Variants in ZNF469 observed in about 807,000 individuals in gnomAD.
ZNF469 encodes zinc finger protein 469.
Under a neutral mutation model 1.0 loss-of-function variants are expected in ZNF469, and 1 was observed. The observed-to-expected ratio is 1.00, with a 90% CI of 0.35 to 4.73. ZNF469 has a LOEUF of 4.73. Among genes scored for constraint, ZNF469 ranks in the 30% most tolerant of loss-of-function variants. The pLI is 0.16. For synonymous variants in ZNF469, 2,703 were observed against 2,363.4 expected, an observed-to-expected ratio of 1.14 and a Z score of -4.17; for missense variants, 6,100 against 5,356.3, an observed-to-expected ratio of 1.14 and a Z score of -4.33.
the ZNF469 span, among the ~76,000 whole-genome samples, chr16:88,251,125 G>A: frequency 7.9e-5 from 12 of 152,254 alleles, no homozygotes; most frequent in African/African-American, 2.2e-4. Context: ...TGATCCACCC[G>A]CCTCAGCCTC....
the ZNF469 span, among the ~76,000 whole-genome samples, chr16:88,331,231 TCACCAC>T: frequency 1.2e-5 from 1 of 85,054 alleles, no homozygotes; most frequent in Non-Finnish European, 2.8e-5. Context: ...ACCACCACCA[TCACCAC>T]CATCACCATC....
At chr16:88,366,843 A>G in the ZNF469 span, among the ~76,000 whole-genome samples, 1 of 150,168 alleles carries the variant, frequency 6.7e-6, no homozygotes, top group East Asian at 2.0e-4. Context: ...CATCATCATT[A>G]CCATCACTAC....
At chr16:88,195,932 T>C in the ZNF469 span, among the ~76,000 whole-genome samples, 2 of 152,242 alleles carry the variant, frequency 1.3e-5, no homozygotes, top group South Asian at 4.1e-4. Context: ...GCCCAGACAC[T>C]TGCTCCCAAG....
At chr16:88,255,899 C>T in the ZNF469 span, among the ~76,000 whole-genome samples, 13 of 152,266 alleles carry the variant, frequency 8.5e-5, no homozygotes, top group East Asian at 5.8e-4. Flanking sequence ...TCTCTGGTTA[C>T]GGAAGGGTTT....
chr16:88,149,894 C>T, the ZNF469 span, among the ~76,000 whole-genome samples: 1 of 152,248 alleles, frequency 6.6e-6, no homozygotes, highest in African/African-American at 2.4e-5. Context: ...CATGCCCCTC[C>T]TCTCCAGGTG....
the ZNF469 span, among the ~76,000 whole-genome samples, chr16:88,227,578 C>A: frequency 6.7e-6 from 1 of 150,300 alleles, no homozygotes; most frequent in African/African-American, 2.5e-5. Flanking sequence ...GGCCTGGCCC[C>A]CCCCTTCTCC....
the ZNF469 span, among the ~76,000 whole-genome samples, chr16:88,160,820 C>G: frequency 6.6e-6 from 1 of 152,164 alleles, no homozygotes; most frequent in East Asian, 1.9e-4. Flanking sequence ...CGCCAGCAGG[C>G]AGGAACAGTG....
intron 1 of ZNF469, among the ~76,000 whole-genome samples, chr16:88,403,170 G>A (rs530507114): frequency 5.3e-5 from 8 of 152,302 alleles, no homozygotes; most frequent in East Asian, 1.9e-4. Flanking sequence ...GCCAGTGGCC[G>A]TGCTGGATGC....
At chr16:88,214,965 A>G in the ZNF469 span, among the ~76,000 whole-genome samples, 1 of 152,174 alleles carries the variant, frequency 6.6e-6, no homozygotes, top group African/African-American at 2.4e-5. Context: ...TCTGCAGAAA[A>G]TGTCCCTCTT....
the ZNF469 span, among the ~76,000 whole-genome samples, chr16:88,363,470 A>G: frequency 6.6e-6 from 1 of 152,218 alleles, no homozygotes; most frequent in African/African-American, 2.4e-5. Context: ...CCAATTATTT[A>G]GCCCCAGCCA....
the ZNF469 span, among the ~76,000 whole-genome samples, chr16:88,255,789 G>C: frequency 6.6e-6 from 1 of 152,202 alleles, no homozygotes; most frequent in African/African-American, 2.4e-5. Context: ...CAGGGCGAGA[G>C]AGCTTATCAC....
At position 88,383,260 on chromosome 16, in the gene ZNF469, T is replaced by G; in HGVS notation, c.-192+6T>G. Among the ~76,000 whole-genome samples, 1 of 145,204 alleles carries G rather than the reference T, an allele frequency of 6.9e-6. No homozygotes were observed. The highest frequency in any genetic ancestry group is 2.5e-5 in the African/African-American group (1 of 39,944). On this transcript the variant is annotated splice_donor_region_variant and intron_variant, in intron 1 of 2. Transcript: ENST00000565624. ...GAGCGGGCCTCGGAGCGGAGGTGAGTGCGGATGCGCCGCCTGGGCGCGCGC... is the reference window on the plus strand; with the variant it reads ...GAGCGGGCCTCGGAGCGGAGGTGAGGGCGGATGCGCCGCCTGGGCGCGCGC...
intron 1 of ZNF469, among the ~76,000 whole-genome samples, chr16:88,396,648 GGGC>G (rs1904676830): frequency 7.5e-6 from 1 of 134,004 alleles, no homozygotes; most frequent in Non-Finnish European, 1.6e-5. Flanking sequence ...AAGGGAGGCC[GGGC>G]GGAGACCCTC....
In ZNF469 at chr16:88,433,675, G is replaced by C; in HGVS notation, c.6205G>C (p.Ala2069Pro). 1 of 1,549,752 alleles carries C rather than the reference G, an allele frequency of 6.5e-7. No individual in the cohort carries two copies. Among genetic ancestry groups the C allele is most frequent in the Non-Finnish European group, 8.7e-7 (1 of 1,146,716 alleles). The change falls in exon 3 of 3, where the codon GCC becomes CCC. Residue 2069 changes from alanine to proline, a missense_variant. Ala to Pro is a conservative substitution (Grantham distance 27). Coordinates refer to ENST00000565624, the MANE Select transcript of ZNF469 (RefSeq NM_001367624.2). ...CCCTAATAGGGAGTCCCTGGCGCTG[G>C]CCTTGACAGCAGCCCACAGCCGAAG... ...PSPNRESLAL[A>P]LTAAHSRSGS...
At chr16:88,423,231 GTGGATGGA>G (rs1329377101) in intron 1 of ZNF469, among the ~76,000 whole-genome samples, 6 of 142,394 alleles carry the variant, frequency 4.2e-5, no homozygotes, top group Non-Finnish European at 6.2e-5. Flanking sequence ...GGATAGGTGG[GTGGATGGA>G]TGGATGGATG....
At chr16:88,360,120 C>CT in the ZNF469 span, among the ~76,000 whole-genome samples, 3 of 152,188 alleles carry the variant, frequency 2.0e-5, no homozygotes, top group Admixed American at 2.0e-4. Flanking sequence ...TCCCAAAGTG[C>CT]TGGGATTACA....
the ZNF469 span, among the ~76,000 whole-genome samples, chr16:88,142,080 C>T: frequency 3.3e-5 from 5 of 152,236 alleles, no homozygotes; most frequent in African/African-American, 1.2e-4. Flanking sequence ...AAATAGTCCA[C>T]AGCGGCCAGG....
intron 1 of ZNF469, among the ~76,000 whole-genome samples, chr16:88,404,555 G>A (rs1328365104): frequency 6.6e-6 from 1 of 152,236 alleles, no homozygotes; most frequent in African/African-American, 2.4e-5. Flanking sequence ...TGTCGTCTGT[G>A]CCTGGGTGGC....
At chr16:88,127,600 G>C in the ZNF469 span, among the ~76,000 whole-genome samples, 1 of 152,336 alleles carries the variant, frequency 6.6e-6, no homozygotes, top group South Asian at 2.1e-4. Flanking sequence ...TTTGTTGAGA[G>C]TGGAAAGGCT....
Sources: allele counts gnomAD v4.1 joint callset (sites outside exome capture counted in the v4.1 genomes callset), GRCh38; gene constraint gnomAD v4.1.1; transcripts MANE v1.5; gene names NCBI Gene and HGNC (gene_info 2026-07-23, HGNC 2026-07-21).